The following ASPRV1 variants were observed in gnomAD, a reference collection of about 807,000 sequenced individuals.
ASPRV1 encodes the protein aspartic peptidase retroviral like 1.
ASPRV1 carries 7 observed loss-of-function variants against 11.0 expected under a neutral mutation model. That is an observed-to-expected ratio of 0.64 (90% CI 0.36 to 1.20). The LOEUF is 1.20. ASPRV1 is among the 50% of genes most tolerant of loss of function. ASPRV1 has a pLI of 0.02. For synonymous variants in ASPRV1, 136 were observed against 138.4 expected, an observed-to-expected ratio of 0.98 and a Z score of 0.12; for missense variants, 299 against 320.0, an observed-to-expected ratio of 0.93 and a Z score of 0.50.
the ASPRV1 span, among the ~76,000 whole-genome samples, chr2:69,998,928 G>A: frequency 6.6e-6 from 1 of 152,074 alleles, no homozygotes; most frequent in African/African-American, 2.4e-5. Flanking sequence ...TCGGGCACAG[G>A]CCAAGAGCCA....
At chr2:69,978,394 T>A in the ASPRV1 span, among the ~76,000 whole-genome samples, 1 of 152,170 alleles carries the variant, frequency 6.6e-6, no homozygotes, top group Non-Finnish European at 1.5e-5. Flanking sequence ...AGTCTGAGAA[T>A]GGGACCAGCA....
At chr2:69,986,412 G>C in the ASPRV1 span, among the ~76,000 whole-genome samples, 1 of 152,210 alleles carries the variant, frequency 6.6e-6, no homozygotes, top group Non-Finnish European at 1.5e-5. Flanking sequence ...GCCCAGAATG[G>C]AATCTGCTCA....
At chr2:70,018,439 G>A in the ASPRV1 span, among the ~76,000 whole-genome samples, 4 of 151,894 alleles carry the variant, frequency 2.6e-5, no homozygotes, top group Admixed American at 1.3e-4. Context: ...AAATTCCTAT[G>A]GAACCACAAA....
At chr2:70,000,936 G>C in the ASPRV1 span, among the ~76,000 whole-genome samples, 9 of 151,504 alleles carry the variant, frequency 5.9e-5, no homozygotes, top group South Asian at 1.9e-3. Context: ...GAAAAGGAAA[G>C]CAAACTAAAG....
chr2:70,015,893 G>A, the ASPRV1 span: 970 of 152,346 alleles, frequency 6.4e-3, 9 homozygotes, highest in African/African-American at 0.022. Context: ...AACCCGGGAG[G>A]AGGAGGTTTC....
chr2:70,069,914 CTT>C, the ASPRV1 span, among the ~76,000 whole-genome samples: 2 of 152,014 alleles, frequency 1.3e-5, no homozygotes, highest in African/African-American at 4.8e-5. Flanking sequence ...AGAAAAAAGA[CTT>C]TAAGTTTTTA....
At chr2:69,949,254 CGAAT>C in the ASPRV1 span, among the ~76,000 whole-genome samples, 14,154 of 150,604 alleles carry the variant, frequency 0.094, 1,077 homozygotes, top group African/African-American at 0.21. Context: ...GATGGATGGG[CGAAT>C]GAATGAATGA....
At chr2:69,943,857 CAAG>C in the ASPRV1 span, among the ~76,000 whole-genome samples, 2 of 152,122 alleles carry the variant, frequency 1.3e-5, no homozygotes, top group South Asian at 2.1e-4. Context: ...TTTTCGGAGT[CAAG>C]AGGAGGAAAA....
the ASPRV1 span, among the ~76,000 whole-genome samples, chr2:69,979,071 T>C: frequency 2.2e-4 from 33 of 152,220 alleles, no homozygotes; most frequent in African/African-American, 8.0e-4. Flanking sequence ...AGTCTCATTC[T>C]GTCACTAGGC....
At chr2:70,078,611 G>A in the ASPRV1 span, among the ~76,000 whole-genome samples, 1 of 152,196 alleles carries the variant, frequency 6.6e-6, no homozygotes, top group South Asian at 2.1e-4. Context: ...AAGGCCCCAA[G>A]GCCTGGCATG....
chr2:70,057,952 C>G, the ASPRV1 span, among the ~76,000 whole-genome samples: 1 of 151,800 alleles, frequency 6.6e-6, no homozygotes, highest in Admixed American at 6.6e-5. Context: ...TGCCACCATG[C>G]CCAGCTAATT....
the ASPRV1 span, among the ~76,000 whole-genome samples, chr2:70,043,664 T>C: frequency 6.6e-6 from 1 of 152,278 alleles, no homozygotes; most frequent in Non-Finnish European, 1.5e-5. Context: ...GGAAATGCCC[T>C]GCCCTTGTTG....
the ASPRV1 span, among the ~76,000 whole-genome samples, chr2:70,084,857 C>G: frequency 6.6e-6 from 1 of 152,128 alleles, no homozygotes; most frequent in Admixed American, 6.5e-5. Context: ...GTCATCGTTG[C>G]TGTTATGTAC....
the ASPRV1 span, chr2:70,018,268 C>G: frequency 6.6e-6 from 1 of 151,858 alleles, no homozygotes; most frequent in Non-Finnish European, 1.5e-5. Context: ...ACGAAAGAAA[C>G]TGAAGAGGAC....
chr2:70,057,120 GGC>G, the ASPRV1 span, among the ~76,000 whole-genome samples: 4 of 151,726 alleles, frequency 2.6e-5, no homozygotes, highest in Non-Finnish European at 4.4e-5. Flanking sequence ...AAAACAAAAA[GGC>G]CAGGCATGGT....
chr2:70,065,355 C>A, the ASPRV1 span, among the ~76,000 whole-genome samples: 1 of 129,536 alleles, frequency 7.7e-6, no homozygotes, highest in Non-Finnish European at 1.5e-5. Flanking sequence ...GGCGCTACTA[C>A]ACTCCAGCCT....
At chr2:69,938,251 G>A in the ASPRV1 span, 1 of 1,614,198 alleles carries the variant, frequency 6.2e-7, no homozygotes, top group South Asian at 1.1e-5. Flanking sequence ...GAATAAAGCT[G>A]CAGGACAGTC....
At chr2:69,980,885 C>CCAGCCT in the ASPRV1 span, among the ~76,000 whole-genome samples, 1 of 152,222 alleles carries the variant, frequency 6.6e-6, no homozygotes, top group Non-Finnish European at 1.5e-5. Context: ...AAGTGATTTT[C>CCAGCCT]CAGCCTCAGC....
At chr2:70,085,185 G>T in the ASPRV1 span, among the ~76,000 whole-genome samples, 300 of 152,270 alleles carry the variant, frequency 2.0e-3, 1 homozygote, top group African/African-American at 6.9e-3. Context: ...CAAGCCCATG[G>T]GGAGCTGACG....
Sources: allele counts gnomAD v4.1 joint callset (sites outside exome capture counted in the v4.1 genomes callset), GRCh38; gene constraint gnomAD v4.1.1; transcripts MANE v1.5; gene names NCBI Gene and HGNC (gene_info 2026-07-23, HGNC 2026-07-21).